PPM1H: variants seen among roughly 807,000 people sequenced by gnomAD.
The protein encoded by PPM1H is protein phosphatase 1H.
A neutral mutation model predicts 54.9 loss-of-function variants in PPM1H; 27 were observed. The ratio of observed to expected loss-of-function variants is 0.49; its 90% CI spans 0.36 to 0.68. PPM1H has a LOEUF of 0.68. Among genes scored for constraint, PPM1H ranks in the 30% least tolerant of loss-of-function variants. PPM1H has a pLI of 0.00. For synonymous variants in PPM1H, 305 were observed against 270.8 expected (o/e 1.13, Z -1.24); for missense variants, 596 against 667.8 (o/e 0.89, Z 1.19).
intron 2 of PPM1H, among the ~76,000 whole-genome samples, chr12:62,810,954 A>G (rs1270029587): frequency 6.6e-6 from 1 of 152,266 alleles, no homozygotes; most frequent in African/African-American, 2.4e-5. Context: ...GAGATACAGC[A>G]GAAAATGAAA....
In PPM1H at chr12:62,889,088, C is replaced by T. The variant is rs79676463; in HGVS notation, c.245+45404G>A. Among the ~76,000 whole-genome samples the T allele has an allele frequency of 4.8e-3, 731 of 152,284 alleles. 7 individuals are homozygous for T. Among genetic ancestry groups the T allele is most frequent in the Middle Eastern group, 0.02 (6 of 294 alleles). On this transcript the variant is annotated intron_variant, in intron 1 of 9. Transcript: ENST00000228705. ...AGAAACCAGGCCCAAGAGTTAGCTG[C>T]CTGTCCACCTGCAGTCTTAACCCAC...
intron 1 of PPM1H, among the ~76,000 whole-genome samples, chr12:62,925,495 T>G (rs900087602): frequency 6.6e-6 from 1 of 152,202 alleles, no homozygotes; most frequent in Non-Finnish European, 1.5e-5. Flanking sequence ...TGAGAATTGC[T>G]GGAACTGGGG....
At position 62,669,433 on chromosome 12, in the gene PPM1H, A is replaced by G. The variant is rs533542144; in HGVS notation, c.1246-2104T>C. On this transcript the variant is annotated intron_variant, in intron 8 of 9. Transcript: ENST00000228705. ...GGGTGGGCTTGAGAGCTGTGGTTCAACTTCCTCCCAGGTGATGCCAATGCT... is the reference window on the plus strand; with the variant it reads ...GGGTGGGCTTGAGAGCTGTGGTTCAGCTTCCTCCCAGGTGATGCCAATGCT... Among the ~76,000 whole-genome samples the G allele has an allele frequency of 3.3e-5, 5 of 152,266 alleles. No individual in the cohort carries two copies. In the East Asian group the frequency reaches 9.7e-4, roughly 29 times the overall value.
At chr12:62,648,757 C>A in intron 9 of PPM1H, 121 bp from the exon 10 acceptor site, 1 of 1,108,656 alleles carries the variant, frequency 9.0e-7, no homozygotes, top group Admixed American at 2.7e-5. Context: ...AATACACTTA[C>A]AATACGAAAA....
chr12:62,915,322 C>T (rs1027505811), intron 1 of PPM1H, among the ~76,000 whole-genome samples: 1 of 152,210 alleles, frequency 6.6e-6, no homozygotes, highest in African/African-American at 2.4e-5. Flanking sequence ...GCCTGCAGCC[C>T]TCTGCCTCAC....
intron 1 of PPM1H, among the ~76,000 whole-genome samples, chr12:62,859,662 CATTCAAAA>C (rs1869527092): frequency 6.6e-6 from 1 of 152,160 alleles, no homozygotes; most frequent in Non-Finnish European, 1.5e-5. Context: ...CAAGGCTTTG[CATTCAAAA>C]ATGTCAAGTT....
At chr12:62,663,546 T>C (rs2075898278) in intron 9 of PPM1H, among the ~76,000 whole-genome samples, 1 of 152,120 alleles carries the variant, frequency 6.6e-6, no homozygotes, top group South Asian at 2.1e-4. Flanking sequence ...CAAAGGACCG[T>C]GCTTTTCAGA....
In PPM1H at chr12:62,708,247, A is replaced by G. The variant is rs560893440; in HGVS notation, c.1073+11924T>C. On this transcript the variant is annotated intron_variant, in intron 6 of 9. Coordinates refer to ENST00000228705, the MANE Select transcript of PPM1H (RefSeq NM_020700.2). Reference sequence around the variant, plus strand: ...CTTGATTTACTTGTCTGAAGGTAAGAGGACGGTGGTGGTAGGATGAGATTT... The same window carrying G: ...CTTGATTTACTTGTCTGAAGGTAAGGGGACGGTGGTGGTAGGATGAGATTT... Among the ~76,000 whole-genome samples, 7 of 152,360 alleles carry G rather than the reference A, an allele frequency of 4.6e-5. No individual in the cohort carries two copies. The East Asian group carries it at 1.3e-3, about 29-fold the overall frequency.
chr12:62,774,023 C>T (rs368075164), intron 4 of PPM1H, among the ~76,000 whole-genome samples: 4 of 152,126 alleles, frequency 2.6e-5, no homozygotes, highest in Non-Finnish European at 1.5e-5. Context: ...GCATTCCCCC[C>T]CAAACCTAAG....
chr12:62,859,077 T>C (rs1869502772), intron 1 of PPM1H, among the ~76,000 whole-genome samples: 2 of 152,228 alleles, frequency 1.3e-5, no homozygotes. Context: ...ATTACCATAA[T>C]GGATACATAT....
intron 7 of PPM1H, among the ~76,000 whole-genome samples, chr12:62,692,811 A>G (rs342169): frequency 0.2 from 29,746 of 152,050 alleles, 3,551 homozygotes; most frequent in East Asian, 0.53. Flanking sequence ...TGATTCCTAC[A>G]TGGATCAGAT....
intron 2 of PPM1H, among the ~76,000 whole-genome samples, chr12:62,823,255 T>C (rs1430382951): frequency 6.6e-6 from 1 of 151,938 alleles, no homozygotes; most frequent in Non-Finnish European, 1.5e-5. Flanking sequence ...ATAATTAACA[T>C]CCTACCAACC....
rs117233442 is a variant in PPM1H, at chr12:62,825,067, A to C, written c.411+7047T>G. On this transcript the variant is annotated intron_variant, in intron 2 of 9. Transcript: ENST00000228705. Reference sequence around the variant, plus strand: ...TTTACAAGGAAAAAAAAAATCAAAAAGTGGGCAAAGGATATGAACTGACAC... The same window carrying C: ...TTTACAAGGAAAAAAAAAATCAAAACGTGGGCAAAGGATATGAACTGACAC... 5.9e-3 allele frequency among the ~76,000 whole-genome samples: 892 copies of C among 152,262 alleles called. 10 individuals carry two copies. The highest frequency in any genetic ancestry group is 0.017 in the Middle Eastern group (5 of 294).
chr12:62,855,847 T>C (rs1437390749), intron 1 of PPM1H, among the ~76,000 whole-genome samples: 1 of 152,222 alleles, frequency 6.6e-6, no homozygotes, highest in Admixed American at 6.5e-5. Context: ...TAAATATTCT[T>C]GAGCTGTGTT....
At chr12:62,864,720 C>T (rs1290526506) in intron 1 of PPM1H, among the ~76,000 whole-genome samples, 1 of 152,116 alleles carries the variant, frequency 6.6e-6, no homozygotes, top group African/African-American at 2.4e-5. Flanking sequence ...CTAGAATTAT[C>T]ACATAATAAT....
rs549965067 is a variant in PPM1H at position 62,647,587 on chromosome 12, T to G, written c.*902A>C. ...ATTCCAGAAATGAAAATCCAGACTC[T>G]CACAGAGAACCCTTGAGCCACACAG... On this transcript the variant is annotated 3_prime_UTR_variant, in exon 10 of 10. Coordinates refer to ENST00000228705, the MANE Select transcript of PPM1H (RefSeq NM_020700.2). The G allele has an allele frequency of 6.6e-6, 1 of 152,180 alleles. No individual in the cohort carries two copies. The highest frequency in any genetic ancestry group is 1.5e-5 in the Non-Finnish European group (1 of 68,108). The allele number at this position is 152,180 out of a possible 1,614,324, so 9.4% of individuals were successfully genotyped here.
At chr12:62,805,740 G>C (rs1325755100) in intron 2 of PPM1H, among the ~76,000 whole-genome samples, 1 of 152,166 alleles carries the variant, frequency 6.6e-6, no homozygotes, top group Admixed American at 6.5e-5. Context: ...CAAAGTTTCA[G>C]GTATAAAATG....
At chr12:62,662,323 T>C (rs1019076049) in intron 9 of PPM1H, among the ~76,000 whole-genome samples, 2 of 152,176 alleles carry the variant, frequency 1.3e-5, no homozygotes, top group African/African-American at 2.4e-5. Flanking sequence ...GTGGGATACA[T>C]AACATGAAAC....
intron 1 of PPM1H, among the ~76,000 whole-genome samples, chr12:62,876,265 GACAAA>G (rs1356076263): frequency 2.0e-5 from 3 of 152,184 alleles, no homozygotes; most frequent in Non-Finnish European, 4.4e-5. Context: ...CTATCAGAAA[GACAAA>G]ACAAAACCAT....
Sources: gnomAD v4.1 joint callset for allele counts (sites outside exome capture counted in the v4.1 genomes callset) on GRCh38, gnomAD v4.1.1 for gene constraint, MANE v1.5 for transcripts, NCBI Gene and HGNC (gene_info 2026-07-23, HGNC 2026-07-21) for gene names.